PLAAT1: variants seen among roughly 807,000 people sequenced by gnomAD.
The protein encoded by PLAAT1 is H-REV107 protein-related protein.
PLAAT1 carries 13 observed loss-of-function variants against 16.4 expected under a neutral mutation model. That is an observed-to-expected ratio of 0.79 (90% confidence interval 0.52 to 1.26). The LOEUF is 1.26. Ranked by LOEUF, PLAAT1 falls within the 50% of genes most tolerant of loss-of-function variation. The pLI is 0.00. For synonymous variants in PLAAT1, 73 were observed against 78.4 expected, an observed-to-expected ratio of 0.93 and a Z score of 0.36; for missense variants, 218 against 207.8, an observed-to-expected ratio of 1.05 and a Z score of -0.30.
intron 3 of PLAAT1, 88 bp from the exon 4 acceptor site, chr3:193,270,516 A>G: frequency 8.4e-7 from 1 of 1,189,714 alleles, no homozygotes; most frequent in East Asian, 2.4e-5. Context: ...ACAGGTGTTC[A>G]GTTTAGGAAA....
At chr3:193,262,905 T>C (rs537342679) in intron 2 of PLAAT1, 65 bp from the exon 3 acceptor site, 23 of 1,519,054 alleles carry the variant, frequency 1.5e-5, no homozygotes, top group Non-Finnish European at 2.1e-5. Context: ...CCAAAGTCTT[T>C]AGATGGCAGT....
At position 193,255,783 on chromosome 3, in the gene PLAAT1, C is replaced by T. The variant is rs1173844956; in HGVS notation, c.133C>T (p.Pro45Ser). ...LGDGYVINIA[P>S]VDGIPASFTS... The stretch of plus-strand genomic sequence containing the variant: ...TGATGGTTACGTTATCAACATAGCA[C>T]CTGTAGGTGAGGTTTATTTCCAGTG... The change falls in exon 2 of 4, where the codon CCT (proline) becomes TCT (serine). Residue 45 changes from proline to serine, a missense_variant. Pro to Ser is a moderately conservative substitution (Grantham distance 74). Transcript: ENST00000264735. 3 of 1,590,994 alleles carry T rather than the reference C, an allele frequency of 1.9e-6. No individual in the cohort carries two copies. Among genetic ancestry groups the T allele is most frequent in the Admixed American group, 1.7e-5 (1 of 58,216 alleles).
At chr3:193,244,459 T>C (rs531211197) in intron 1 of PLAAT1, among the ~76,000 whole-genome samples, 2 of 150,772 alleles carry the variant, frequency 1.3e-5, no homozygotes, top group Admixed American at 6.6e-5. Context: ...TATAATGATA[T>C]CTCATTTTGT....
intron 1 of PLAAT1, among the ~76,000 whole-genome samples, chr3:193,245,976 T>C (rs563023247): frequency 6.6e-6 from 1 of 152,380 alleles, no homozygotes; most frequent in South Asian, 2.1e-4. Context: ...TCCCATTTCA[T>C]GTGCAAGGAG....
intron 1 of PLAAT1, among the ~76,000 whole-genome samples, chr3:193,252,688 T>C (rs1349977214): frequency 6.6e-6 from 1 of 152,214 alleles, no homozygotes; most frequent in Non-Finnish European, 1.5e-5. Flanking sequence ...GTTTTACATA[T>C]AAGTCTGTTA....
At chr3:193,278,798 A>C (rs1292568749), downstream of PLAAT1, among the ~76,000 whole-genome samples, 1 of 152,178 alleles carries the variant, frequency 6.6e-6, no homozygotes, top group Non-Finnish European at 1.5e-5. Flanking sequence ...TCATCTTCAC[A>C]ACAAATCTAT....
intron 3 of PLAAT1, among the ~76,000 whole-genome samples, chr3:193,265,014 G>T (rs767809954): frequency 6.6e-6 from 1 of 152,178 alleles, no homozygotes; most frequent in African/African-American, 2.4e-5. Flanking sequence ...GTAAGTGTTG[G>T]CAAGGAAGTG....
chr3:193,252,808 A>G (rs1716239786), intron 1 of PLAAT1, among the ~76,000 whole-genome samples: 1 of 152,176 alleles, frequency 6.6e-6, no homozygotes, highest in Non-Finnish European at 1.5e-5. Context: ...AAAATCTTTT[A>G]TATAATAGTG....
chr3:193,266,677 T>C (rs1399272897), intron 3 of PLAAT1, among the ~76,000 whole-genome samples: 1 of 152,178 alleles, frequency 6.6e-6, no homozygotes, highest in Non-Finnish European at 1.5e-5. Flanking sequence ...ATTTGAGGTC[T>C]CTCAGCATAC....
chr3:193,247,221 A>G (rs1430900687), intron 1 of PLAAT1, among the ~76,000 whole-genome samples: 2 of 152,200 alleles, frequency 1.3e-5, no homozygotes, highest in South Asian at 4.1e-4. Flanking sequence ...TTAGGCAGAC[A>G]GTAAGTAAAG....
At chr3:193,269,228 A>G (rs966710382) in intron 3 of PLAAT1, among the ~76,000 whole-genome samples, 4 of 152,172 alleles carry the variant, frequency 2.6e-5, no homozygotes, top group African/African-American at 9.7e-5. Flanking sequence ...TAAAATATAA[A>G]TAAAATAGAT....
intron 3 of PLAAT1, among the ~76,000 whole-genome samples, chr3:193,267,268 G>A (rs1008299966): frequency 2.0e-5 from 3 of 151,968 alleles, no homozygotes; most frequent in African/African-American, 7.3e-5. Context: ...CGAATTCTAT[G>A]GTTTGGACAA....
At chr3:193,242,954 T>G (rs1715831644) in intron 1 of PLAAT1, among the ~76,000 whole-genome samples, 1 of 152,242 alleles carries the variant, frequency 6.6e-6, no homozygotes, top group Non-Finnish European at 1.5e-5. Flanking sequence ...GCTCTTCGTG[T>G]TTCTGTAACT....
Position 193,241,507 on chromosome 3 carries a change from A to G in PLAAT1, c.-27A>G. ...ACACACACAGCTGCCTCCCGGTGCG[A>G]GAAGAAGACCCCGGCTTGAGAGTGA... On this transcript the variant is annotated 5_prime_UTR_variant, in exon 1 of 4. Transcript: ENST00000264735. The G allele has an allele frequency of 3.2e-6, 4 of 1,231,856 alleles. No individual in the cohort carries two copies. The highest frequency in any genetic ancestry group is 4.0e-6 in the Non-Finnish European group (4 of 988,122). The allele number at this position is 1,231,856 out of a possible 1,614,324, so 76.3% of individuals were successfully genotyped here.
intron 1 of PLAAT1, among the ~76,000 whole-genome samples, chr3:193,244,718 T>C (rs937006855): frequency 5.9e-5 from 9 of 152,162 alleles, no homozygotes; most frequent in Non-Finnish European, 1.0e-4. Context: ...GTGGAGACTC[T>C]GCAGAGTCCC....
chr3:193,275,066 T>C (rs201842085), downstream of PLAAT1: 1 of 1,614,188 alleles, frequency 6.2e-7, no homozygotes, highest in African/African-American at 1.3e-5. Flanking sequence ...AGAAATGCTG[T>C]TCTGTGGGTT....
At chr3:193,275,507 C>T (rs1328769030), downstream of PLAAT1, among the ~76,000 whole-genome samples, 1 of 152,200 alleles carries the variant, frequency 6.6e-6, no homozygotes, top group Non-Finnish European at 1.5e-5. Context: ...CTGCCAGAAG[C>T]TTCCAGCATT....
intron 1 of PLAAT1, 23 bp from the exon 2 acceptor site, chr3:193,255,628 C>T: frequency 1.3e-6 from 2 of 1,587,572 alleles, no homozygotes; most frequent in Middle Eastern, 1.7e-4. Context: ...TTAGCTAGCT[C>T]TTCTTTGTAT....
rs990927001 is a variant in PLAAT1, at chr3:193,263,179, A to G, written c.349A>G (p.Asn117Asp). The change falls in exon 3 of 4, where the codon AAC (asparagine) becomes GAC (aspartate). Residue 117 changes from asparagine to aspartate, a missense_variant. By Grantham distance (23) the Asn-to-Asp change is conservative. Transcript: ENST00000264735. ...GQEVAYNLLV[N>D]NCEHFVTLLR... Reference sequence around the variant, plus strand: ...GGAGGTGGCCTATAACTTACTTGTCAACAACTGTGAACATTTTGTGACATT... The same window carrying G: ...GGAGGTGGCCTATAACTTACTTGTCGACAACTGTGAACATTTTGTGACATT... The G allele has an allele frequency of 1.2e-6, 2 of 1,614,212 alleles. No homozygotes were observed. The highest frequency in any genetic ancestry group is 1.3e-5 in the African/African-American group (1 of 75,064).
Sources: gnomAD v4.1 joint callset for allele counts (sites outside exome capture counted in the v4.1 genomes callset) on GRCh38, gnomAD v4.1.1 for gene constraint, MANE v1.5 for transcripts, NCBI Gene and HGNC (gene_info 2026-07-23, HGNC 2026-07-21) for gene names.